The following GUCY1A2 variants were observed in gnomAD, a reference collection of about 807,000 sequenced individuals.
The protein encoded by GUCY1A2 is guanylate cyclase 1 soluble subunit alpha 2.
GUCY1A2 carries 27 observed loss-of-function variants against 63.5 expected under a neutral mutation model. That is an observed-to-expected ratio of 0.43 (90% CI 0.31 to 0.59). The LOEUF is 0.59. Among genes scored for constraint, GUCY1A2 ranks in the 20% least tolerant of loss-of-function variants. The probability of loss-of-function intolerance (pLI) is 0.11; values close to 1 mark genes in which losing one functional copy is unlikely to be tolerated. For synonymous variants in GUCY1A2, 364 were observed against 343.5 expected, an observed-to-expected ratio of 1.06 and a Z score of -0.66; for missense variants, 768 against 913.3, an observed-to-expected ratio of 0.84 and a Z score of 2.05.
intron 5 of GUCY1A2, among the ~76,000 whole-genome samples, chr11:106,783,579 G>T (rs1864504550): frequency 6.6e-6 from 1 of 152,140 alleles, no homozygotes; most frequent in South Asian, 2.1e-4. Flanking sequence ...ACCAGATGAA[G>T]AACCTATAGG....
At chr11:107,007,466 T>C (rs904084162) in intron 1 of GUCY1A2, among the ~76,000 whole-genome samples, 1 of 152,166 alleles carries the variant, frequency 6.6e-6, no homozygotes, top group Admixed American at 6.5e-5. Context: ...AACCCTCCAC[T>C]CCAGCGGATT....
At chr11:106,820,075 CCTTG>C (rs1456199353) in intron 4 of GUCY1A2, among the ~76,000 whole-genome samples, 22 of 151,976 alleles carry the variant, frequency 1.4e-4, no homozygotes, top group Non-Finnish European at 2.8e-4. Flanking sequence ...AGTTTGTTTT[CCTTG>C]CTTATTTGTT....
At chr11:107,011,288 T>C (rs921391007) in intron 1 of GUCY1A2, among the ~76,000 whole-genome samples, 3 of 152,168 alleles carry the variant, frequency 2.0e-5, no homozygotes, top group African/African-American at 7.2e-5. Flanking sequence ...CAAATGACAG[T>C]GCATTTATTT....
intron 1 of GUCY1A2, among the ~76,000 whole-genome samples, chr11:107,011,044 A>G (rs1283801765): frequency 2.0e-5 from 3 of 152,174 alleles, no homozygotes; most frequent in African/African-American, 7.2e-5. Context: ...TAAGCATTTT[A>G]TTGAACAACC....
At chr11:106,947,957 AAAGT>A (rs1325221199) in intron 3 of GUCY1A2, among the ~76,000 whole-genome samples, 4 of 152,164 alleles carry the variant, frequency 2.6e-5, no homozygotes, top group Non-Finnish European at 2.9e-5. Context: ...ATTAAGAAAG[AAAGT>A]AACTAAATTG....
At chr11:106,934,551 G>A (rs368599410) in intron 4 of GUCY1A2, among the ~76,000 whole-genome samples, 1 of 152,132 alleles carries the variant, frequency 6.6e-6, no homozygotes, top group Non-Finnish European at 1.5e-5. Flanking sequence ...AAAGATAAGA[G>A]AGTATTCTGA....
intron 6 of GUCY1A2, among the ~76,000 whole-genome samples, chr11:106,711,395 A>G (rs1336319508): frequency 6.6e-6 from 1 of 152,172 alleles, no homozygotes; most frequent in Non-Finnish European, 1.5e-5. Context: ...TAATTAAGAA[A>G]CAATTGGTAG....
chr11:106,870,580 T>C (rs1171521322), intron 4 of GUCY1A2, among the ~76,000 whole-genome samples: 1 of 152,080 alleles, frequency 6.6e-6, no homozygotes, highest in African/African-American at 2.4e-5. Flanking sequence ...TTGAAAGAGC[T>C]TGCTACACAT....
At chr11:106,820,541 G>T (rs926052753) in intron 4 of GUCY1A2, among the ~76,000 whole-genome samples, 2 of 152,100 alleles carry the variant, frequency 1.3e-5, no homozygotes, top group African/African-American at 4.8e-5. Context: ...TGAAACTACA[G>T]GTACATGCCA....
intron 3 of GUCY1A2, among the ~76,000 whole-genome samples, chr11:106,961,301 C>A (rs1351127563): frequency 6.6e-6 from 1 of 151,768 alleles, no homozygotes; most frequent in Non-Finnish European, 1.5e-5. Context: ...CAAGCAGAAG[C>A]AGGAAGAAAA....
At chr11:106,948,691 A>T (rs958836799) in intron 3 of GUCY1A2, among the ~76,000 whole-genome samples, 1 of 152,210 alleles carries the variant, frequency 6.6e-6, no homozygotes, top group Non-Finnish European at 1.5e-5. Flanking sequence ...TAAAATAACC[A>T]GTAAACACAT....
intron 6 of GUCY1A2, among the ~76,000 whole-genome samples, chr11:106,744,244 C>CTTTTTTTTT (rs5794491): frequency 8.9e-6 from 1 of 112,696 alleles, no homozygotes; most frequent in Non-Finnish European, 1.7e-5. Context: ...AACATAAATG[C>CTTTTTTTTT]TTTTTTTTTT....
chr11:106,961,583 A>T (rs1442413982), intron 3 of GUCY1A2, among the ~76,000 whole-genome samples: 2 of 152,226 alleles, frequency 1.3e-5, no homozygotes, highest in African/African-American at 4.8e-5. Context: ...TTACAAAGCT[A>T]TAAGATCTTG....
At chr11:106,746,193 A>G (rs913410034) in intron 6 of GUCY1A2, among the ~76,000 whole-genome samples, 7 of 148,888 alleles carry the variant, frequency 4.7e-5, no homozygotes, top group South Asian at 4.3e-4. Context: ...TAGTGGAGGG[A>G]AAAAAAAAAG....
chr11:106,861,514 C>T (rs1245108406), intron 4 of GUCY1A2, among the ~76,000 whole-genome samples: 1 of 151,946 alleles, frequency 6.6e-6, no homozygotes, highest in Non-Finnish European at 1.5e-5. Context: ...ATCATCTTCC[C>T]CAAAGCACCA....
chr11:106,769,392 A>C (rs565578623), intron 6 of GUCY1A2, among the ~76,000 whole-genome samples: 1 of 152,174 alleles, frequency 6.6e-6, no homozygotes, highest in Non-Finnish European at 1.5e-5. Flanking sequence ...TTTAATCAAT[A>C]ATTTTTACAA....
At chr11:106,983,827 C>G (rs1419236395) in intron 2 of GUCY1A2, among the ~76,000 whole-genome samples, 1 of 152,186 alleles carries the variant, frequency 6.6e-6, no homozygotes. Flanking sequence ...GGCACTTACT[C>G]TCAATTCTCA....
chr11:106,731,696 T>G (rs1863509126), intron 6 of GUCY1A2, among the ~76,000 whole-genome samples: 1 of 152,122 alleles, frequency 6.6e-6, no homozygotes, highest in Admixed American at 6.6e-5. Flanking sequence ...AGTTTCAGGA[T>G]ACAAAATTAA....
chr11:106,713,441 G>A (rs545477060), intron 6 of GUCY1A2, among the ~76,000 whole-genome samples: 1 of 147,734 alleles, frequency 6.8e-6, no homozygotes, highest in Non-Finnish European at 1.5e-5. Context: ...AACAAACTAA[G>A]TGTAAAGCAC....
Sources: gnomAD v4.1 joint callset for allele counts (sites outside exome capture counted in the v4.1 genomes callset) on GRCh38, gnomAD v4.1.1 for gene constraint, MANE v1.5 for transcripts, NCBI Gene and HGNC (gene_info 2026-07-23, HGNC 2026-07-21) for gene names.